The following USP33 variants were observed in gnomAD, a reference collection of about 807,000 sequenced individuals.
USP33 encodes ubiquitin specific peptidase 33.
A neutral mutation model predicts 124.2 loss-of-function variants in USP33; 46 were observed. The observed-to-expected ratio is 0.37, with a 90% confidence interval of 0.29 to 0.47. USP33 has a LOEUF of 0.47. USP33 is among the 20% of genes least tolerant of loss of function. The pLI, the probability that USP33 is intolerant of heterozygous loss-of-function variation, is 0.99. For synonymous variants in USP33, 350 were observed against 352.3 expected (o/e 0.99, Z 0.07); for missense variants, 851 against 1,070.6 (o/e 0.79, Z 2.86).
intron 1 of USP33, among the ~76,000 whole-genome samples, chr1:77,749,385 TTG>T (rs1680069589): frequency 6.7e-6 from 1 of 150,360 alleles, no homozygotes; most frequent in African/African-American, 2.5e-5. Flanking sequence ...TTTGTTTTGT[TTG>T]TTTTTTTTTT....
Position 77,706,156 on chromosome 1 carries a change from T to C in USP33, c.2407-4685A>G, listed in dbSNP as rs151306091. ...TTATGTTAACATAAATTTTCATTTC[T>C]CTGGAATGAATACCTAAGAGTGGGA... On this transcript the variant is annotated intron_variant, in intron 21 of 23. Transcript: ENST00000370794. Among the ~76,000 whole-genome samples, 520 of 152,340 alleles carry C rather than the reference T, an allele frequency of 3.4e-3. 2 individuals carry two copies. The highest frequency in any genetic ancestry group is 4.9e-3 in the Non-Finnish European group (330 of 68,032).
chr1:77,722,182 G>T lies in USP33; in HGVS notation c.1404C>A (p.Leu468=). 1 of 1,611,632 alleles carries T rather than the reference G, an allele frequency of 6.2e-7. No individual in the cohort carries two copies. Among genetic ancestry groups the T allele is most frequent in the South Asian group, 1.1e-5 (1 of 90,510 alleles). ...CLTCDRVSVT[L]ETFQDLSLPI... The stretch of plus-strand genomic sequence containing the variant: ...GCAAGGACAGATCTTGAAAGGTCTC[G>T]AGGGTTACAGACACCTAAAATTGTT... The change falls in exon 13 of 24, where the codon CTC becomes CTA. Residue 468 remains leucine, a synonymous_variant. Transcript: ENST00000370794.
Position 77,718,580 on chromosome 1 carries a change from A to T in USP33, c.1737+16T>A. On this transcript the variant is annotated intron_variant, in intron 16 of 23. Coordinates refer to ENST00000370794, the MANE Select transcript of USP33 (RefSeq NM_201624.3). ...CCTACCACACAATATAAGTTGAATT[A>T]AAATAATGCCCATACCTCAGGAAAG... The T allele has an allele frequency of 6.3e-7, 1 of 1,578,674 alleles. No individual in the cohort carries two copies. The highest frequency in any genetic ancestry group is 8.7e-7 in the Non-Finnish European group (1 of 1,151,540).
chr1:77,714,767 C>G lies in USP33; in HGVS notation c.2062G>C (p.Ala688Pro). 1.2e-6 allele frequency: 2 copies of G among 1,611,772 alleles called. No homozygotes were observed. Among genetic ancestry groups the G allele is most frequent in the Non-Finnish European group, 1.7e-6 (2 of 1,179,830 alleles). The change falls in exon 19 of 24, where the codon GCA (alanine) becomes CCA (proline). Residue 688 changes from alanine to proline, a missense_variant. Physicochemically the swap from Ala to Pro is conservative, Grantham distance 27. This residue lies in a region of USP33 where 281 missense variants were observed against 425.0 expected (regional missense o/e 0.66). Coordinates refer to ENST00000370794, the MANE Select transcript of USP33 (RefSeq NM_201624.3). ...GATATCCTTCTCCTCTCTTTTTGTG[C>G]CTCTTCGCTGCTCTTCCTATTAAGG... Reference protein sequence around the residue: ...VLFYRKSSEEAQKERRRISNL... With the variant: ...VLFYRKSSEEPQKERRRISNL...
At chr1:77,730,014 T>C in intron 8 of USP33, 76 bp from the exon 9 acceptor site, 1 of 1,291,802 alleles carries the variant, frequency 7.7e-7, no homozygotes, top group South Asian at 1.3e-5. Flanking sequence ...TACCAATAAT[T>C]CAAAGTGTTA....
At chr1:77,721,979 C>T in intron 13 of USP33, 45 bp downstream of exon 13, 1 of 1,603,504 alleles carries the variant, frequency 6.2e-7, no homozygotes, top group Non-Finnish European at 8.5e-7. Flanking sequence ...ACAGCAGAAA[C>T]AGCAGGTTTA....
Position 77,734,421 on chromosome 1 carries a change from T to A in USP33, c.455-5A>T. 1 of 1,552,618 alleles carries A rather than the reference T, an allele frequency of 6.4e-7. No homozygotes were observed. Among genetic ancestry groups the A allele is most frequent in the Admixed American group, 1.9e-5 (1 of 52,246 alleles). On this transcript the variant is annotated splice_polypyrimidine_tract_variant and splice_region_variant and intron_variant, in intron 6 of 23. Coordinates refer to ENST00000370794, the MANE Select transcript of USP33 (RefSeq NM_201624.3). ...TATTTTTCAAACCTGTAAGACCTAT[T>A]AAGAAAAAATATACATGAAGTCATC...
intron 21 of USP33, among the ~76,000 whole-genome samples, chr1:77,704,093 C>T (rs186602688): frequency 5.6e-5 from 8 of 141,596 alleles, no homozygotes; most frequent in Non-Finnish European, 1.2e-4. Flanking sequence ...CCAGCCCGGG[C>T]AAAAGAGCAA....
chr1:77,749,441 G>C (rs932839186), intron 1 of USP33, among the ~76,000 whole-genome samples: 1 of 151,792 alleles, frequency 6.6e-6, no homozygotes, highest in Non-Finnish European at 1.5e-5. Flanking sequence ...GAGTGCAGTG[G>C]TACAATCTTG....
Position 77,717,869 on chromosome 1 carries a change from C to A in USP33, c.1916G>T (p.Ser639Ile). Residue 639 changes from serine to isoleucine, a missense_variant and splice_region_variant, in exon 17 of 24, where the codon AGT becomes ATT. By Grantham distance (142) the Ser-to-Ile change is moderately radical. Transcript: ENST00000370794. Reference sequence around the variant, plus strand: ...AACTGTTAAACCTATATACTTACTACTTGCAGTTCCATGATGGCAAATGAC... The same window carrying A: ...AACTGTTAAACCTATATACTTACTAATTGCAGTTCCATGATGGCAAATGAC... ...LSVICHHGTASSGHYIAYCRN... is the reference protein window; with the variant it reads ...LSVICHHGTAISGHYIAYCRN... 1 of 1,606,938 alleles carries A rather than the reference C, an allele frequency of 6.2e-7. No individual in the cohort carries two copies. The highest frequency in any genetic ancestry group is 8.5e-7 in the Non-Finnish European group (1 of 1,177,382).
At chr1:77,728,970 G>C (rs949597011) in intron 9 of USP33, among the ~76,000 whole-genome samples, 5 of 152,092 alleles carry the variant, frequency 3.3e-5, no homozygotes, top group Admixed American at 6.6e-5. Flanking sequence ...CATGACCACA[G>C]CTCACTGTAG....
intron 15 of USP33, 86 bp from the exon 16 acceptor site, chr1:77,718,727 G>A (rs990258199): frequency 9.3e-7 from 1 of 1,075,916 alleles, no homozygotes; most frequent in Admixed American, 2.0e-5. Context: ...AGAAAATGCA[G>A]AGATCCAGCC....
intron 21 of USP33, among the ~76,000 whole-genome samples, chr1:77,709,408 G>C (rs1228201800): frequency 6.6e-6 from 1 of 151,930 alleles, no homozygotes; most frequent in Non-Finnish European, 1.5e-5. Flanking sequence ...CTAGCTACTC[G>C]GGATGCTGAG....
At chr1:77,732,470 A>C (rs1420735782) in intron 7 of USP33, among the ~76,000 whole-genome samples, 6 of 152,190 alleles carry the variant, frequency 3.9e-5, no homozygotes, top group African/African-American at 1.4e-4. Flanking sequence ...TTCACTGTCC[A>C]CATAGCAACC....
At chr1:77,702,167 A>C (rs1384339781) in intron 21 of USP33, among the ~76,000 whole-genome samples, 6 of 125,576 alleles carry the variant, frequency 4.8e-5, no homozygotes, top group African/African-American at 1.1e-4. Flanking sequence ...AAAAAAAAAA[A>C]AAAAAAAAAA....
At chr1:77,758,261 A>C (rs951798690) in intron 1 of USP33, among the ~76,000 whole-genome samples, 2 of 147,298 alleles carry the variant, frequency 1.4e-5, no homozygotes, top group Admixed American at 6.9e-5. Context: ...GCTCATTGCA[A>C]GCTCTGCCTC....
At chr1:77,716,871 T>C (rs1675971336) in intron 17 of USP33, among the ~76,000 whole-genome samples, 1 of 150,666 alleles carries the variant, frequency 6.6e-6, no homozygotes, top group South Asian at 2.1e-4. Context: ...TTTTTTTCTT[T>C]TTTTTTTTTT....
intron 21 of USP33, among the ~76,000 whole-genome samples, chr1:77,707,386 C>T (rs1553190081): frequency 6.6e-6 from 1 of 152,130 alleles, no homozygotes; most frequent in Non-Finnish European, 1.5e-5. Context: ...CTCTTCTCTG[C>T]GTATCTCTCT....
In USP33 at chr1:77,734,337, C is replaced by A. The variant is rs1477587419; in HGVS notation, c.524+10G>T. On this transcript the variant is annotated intron_variant, in intron 7 of 23. Coordinates refer to ENST00000370794, the MANE Select transcript of USP33 (RefSeq NM_201624.3). ...TATACAAATAAAACAAAATTAATTTCTCTATTTACCAATTAGAAAGAGCCT... is the reference window on the plus strand; with the variant it reads ...TATACAAATAAAACAAAATTAATTTATCTATTTACCAATTAGAAAGAGCCT... 2.6e-6 allele frequency: 4 copies of A among 1,553,618 alleles called. No individual in the cohort carries two copies. The highest frequency in any genetic ancestry group is 2.6e-6 in the Non-Finnish European group (3 of 1,149,284).
Sources: allele counts gnomAD v4.1 joint callset (sites outside exome capture counted in the v4.1 genomes callset), GRCh38; gene constraint gnomAD v4.1.1; regional missense constraint gnomAD v4.1.1; transcripts MANE v1.5; gene names NCBI Gene and HGNC (gene_info 2026-07-23, HGNC 2026-07-21).